HKDC1: variants seen among roughly 807,000 people sequenced by gnomAD.
HKDC1 encodes hexokinase HKDC1.
In HKDC1, 66 loss-of-function variants were observed where a neutral mutation model predicts 96.6. The ratio of observed to expected loss-of-function variants is 0.68; its 90% confidence interval spans 0.56 to 0.84. The LOEUF (loss-of-function observed/expected upper bound fraction) is 0.84. Ranked by LOEUF, HKDC1 falls within the 40% of genes least tolerant of loss-of-function variation. HKDC1 has a pLI of 0.00. For missense variants in HKDC1, 1,211 were observed against 1,208.1 expected (o/e 1.00, Z -0.04); for synonymous variants, 466 against 473.1 (o/e 0.98, Z 0.20).
At chr10:69,223,578 ATTTTTTTTTTT>A (rs60016100) in intron 1 of HKDC1, among the ~76,000 whole-genome samples, 4 of 85,580 alleles carry the variant, frequency 4.7e-5, no homozygotes, top group Admixed American at 4.6e-4. Flanking sequence ...CCACAATCTA[ATTTTTTTTTTT>A]TTTTTTTTTT....
rs762099163 is a variant in HKDC1, at chr10:69,258,903, C to T, written c.2160C>T (p.Ile720=). 6.2e-7 allele frequency: 1 copy of T among 1,610,352 alleles called. No homozygotes were observed. The highest frequency in any genetic ancestry group is 1.3e-5 in the African/African-American group (1 of 74,732). ...GFGDNGCIDD[I]WTRYDTEVDE... ...GAGACAATGGCTGCATAGATGACAT[C>T]TGGACCCGATACGACACGGAGGTGG... Residue 720 remains isoleucine, a synonymous_variant, in exon 15 of 18, where the codon ATC becomes ATT. Coordinates refer to ENST00000354624, the MANE Select transcript of HKDC1 (RefSeq NM_025130.4).
At chr10:69,262,449 A>G (rs1843824628) in intron 16 of HKDC1, among the ~76,000 whole-genome samples, 1 of 151,952 alleles carries the variant, frequency 6.6e-6, no homozygotes, top group African/African-American at 2.4e-5. Flanking sequence ...TTCCATCACC[A>G]TCAGTTATGT....
intron 1 of HKDC1, among the ~76,000 whole-genome samples, chr10:69,220,749 G>A (rs776855353): frequency 3.9e-5 from 6 of 152,198 alleles, no homozygotes; most frequent in Non-Finnish European, 8.8e-5. Context: ...AAGCGGGTGA[G>A]GAGGGTGTTT....
chr10:69,227,414 T>C (rs1194507367), intron 2 of HKDC1, 45 bp downstream of exon 2: 12 of 1,609,662 alleles, frequency 7.5e-6, no homozygotes, highest in Admixed American at 1.7e-5. Flanking sequence ...TCCTCTTGGC[T>C]GATGGGTGTC....
At position 69,266,207 on chromosome 10, in the gene HKDC1, C is replaced by T. The variant is rs184529973; in HGVS notation, c.2606+389C>T. 4.9e-4 allele frequency among the ~76,000 whole-genome samples: 74 copies of T among 152,254 alleles called. 1 individual carries two copies. The South Asian group carries it at 6.4e-3, about 13-fold the overall frequency. ...AGTGGCTCATGCCTGTAATGGCAGACGGGAGGATCACTTGAGCCCAGGAGT... is the reference window on the plus strand; with the variant it reads ...AGTGGCTCATGCCTGTAATGGCAGATGGGAGGATCACTTGAGCCCAGGAGT... On this transcript the variant is annotated intron_variant, in intron 17 of 17. Transcript: ENST00000354624.
At chr10:69,249,873 A>G (rs1843610014) in intron 10 of HKDC1, among the ~76,000 whole-genome samples, 1 of 152,138 alleles carries the variant, frequency 6.6e-6, no homozygotes, top group Non-Finnish European at 1.5e-5. Context: ...GCTCCCGAGA[A>G]GGCTGTCAGT....
At chr10:69,265,175 T>G (rs1275318840) in intron 16 of HKDC1, among the ~76,000 whole-genome samples, 3 of 151,834 alleles carry the variant, frequency 2.0e-5, no homozygotes, top group African/African-American at 7.3e-5. Flanking sequence ...GCTGGCACGA[T>G]TTGTGGGAAA....
chr10:69,257,019 C>T lies in HKDC1; in HGVS notation c.1837-17C>T, dbSNP rs1482817249. 6.3e-7 allele frequency: 1 copy of T among 1,596,592 alleles called. No individual in the cohort carries two copies. Among genetic ancestry groups the T allele is most frequent in the Non-Finnish European group, 8.6e-7 (1 of 1,164,218 alleles). On this transcript the variant is annotated splice_polypyrimidine_tract_variant and intron_variant, in intron 12 of 17. Transcript: ENST00000354624. ...AGCAAACTATTGCTCAAATGAATTT[C>T]CCCTCCTTTCTTTCAGGGAACACTC...
intron 12 of HKDC1, among the ~76,000 whole-genome samples, chr10:69,253,235 C>G (rs563041397): frequency 6.6e-6 from 1 of 152,066 alleles, no homozygotes; most frequent in African/African-American, 2.4e-5. Context: ...CATGGGGCCT[C>G]GGCCTGGAGC....
intron 4 of HKDC1, among the ~76,000 whole-genome samples, chr10:69,234,947 G>A (rs991627502): frequency 1.3e-5 from 2 of 152,216 alleles, no homozygotes; most frequent in Non-Finnish European, 2.9e-5. Flanking sequence ...TATAAAGAAA[G>A]GACTGAGAAA....
At chr10:69,226,489 A>G (rs1257514894) in intron 1 of HKDC1, among the ~76,000 whole-genome samples, 1 of 151,840 alleles carries the variant, frequency 6.6e-6, no homozygotes, top group Non-Finnish European at 1.5e-5. Flanking sequence ...TCTACTAAAA[A>G]TAAAAATAAA....
At chr10:69,255,420 G>A (rs768573816) in intron 12 of HKDC1, among the ~76,000 whole-genome samples, 15 of 152,150 alleles carry the variant, frequency 9.9e-5, no homozygotes, top group Non-Finnish European at 1.3e-4. Context: ...GCCTCAGGGT[G>A]AGGCGGCATC....
intron 10 of HKDC1, 88 bp downstream of exon 10, chr10:69,248,816 A>AACTTGG: frequency 1.6e-6 from 2 of 1,286,010 alleles, no homozygotes; most frequent in Non-Finnish European, 2.1e-6. Flanking sequence ...GGTTTTTAGA[A>AACTTGG]ACTTGGGTTC....
chr10:69,266,150 C>T (rs749457695), intron 17 of HKDC1, among the ~76,000 whole-genome samples: 16 of 152,164 alleles, frequency 1.1e-4, no homozygotes, highest in East Asian at 1.9e-4. Context: ...GTGCTTCACA[C>T]GGGGCTCAAG....
intron 12 of HKDC1, among the ~76,000 whole-genome samples, 182 bp downstream of exon 12, chr10:69,250,834 G>A (rs2132363903): frequency 6.6e-6 from 1 of 152,260 alleles, no homozygotes; most frequent in East Asian, 1.9e-4. Context: ...CGATTTTTTA[G>A]ACTGACCATT....
At chr10:69,228,071 G>A (rs1445485991) in intron 2 of HKDC1, among the ~76,000 whole-genome samples, 1 of 152,188 alleles carries the variant, frequency 6.6e-6, no homozygotes, top group African/African-American at 2.4e-5. Flanking sequence ...GACAGTTCTG[G>A]TGGACGGAAG....
chr10:69,265,842 C>A (rs764361787), intron 17 of HKDC1, 24 bp downstream of exon 17: 1 of 696,452 alleles, frequency 1.4e-6, no homozygotes, highest in Admixed American at 2.1e-5. Context: ...AGAGGCGTGG[C>A]GGGTGGGGCT....
At chr10:69,250,183 C>A in intron 10 of HKDC1, 107 bp from the exon 11 acceptor site, 1 of 1,272,946 alleles carries the variant, frequency 7.9e-7, no homozygotes, top group South Asian at 1.4e-5. Flanking sequence ...CTATGAGGCC[C>A]AGGAGTGCAG....
rs1009794499 is a variant in HKDC1 at position 69,243,473 on chromosome 10, C to T, written c.875+108C>T. 7 of 796,106 alleles carry T rather than the reference C, an allele frequency of 8.8e-6. No individual in the cohort carries two copies. In the African/African-American group the frequency reaches 9.2e-5, roughly 10 times the overall value. 49.3% of individuals were successfully genotyped at this position (796,106 alleles called of 1,614,324 possible). A position where few individuals can be genotyped will look rare whatever the true frequency, so the allele number is the denominator to read the frequency against. Reference sequence around the variant, plus strand: ...TCCAGTTGTGACTAGCTATCCATCACAACTTTCTTTCTTTTTTTCTTTTTC... The same window carrying T: ...TCCAGTTGTGACTAGCTATCCATCATAACTTTCTTTCTTTTTTTCTTTTTC... On this transcript the variant is annotated intron_variant, in intron 7 of 17. Coordinates refer to ENST00000354624, the MANE Select transcript of HKDC1 (RefSeq NM_025130.4).
Sources: allele counts gnomAD v4.1 joint callset (sites outside exome capture counted in the v4.1 genomes callset), GRCh38; gene constraint gnomAD v4.1.1; transcripts MANE v1.5; gene names NCBI Gene and HGNC (gene_info 2026-07-23, HGNC 2026-07-21).